The following AFAP1 variants were observed in gnomAD, a reference collection of about 807,000 sequenced individuals.
The protein encoded by AFAP1 is actin filament associated protein 1.
Under a neutral mutation model 93.9 loss-of-function variants are expected in AFAP1, and 75 were observed. The ratio of observed to expected loss-of-function variants is 0.80; its 90% confidence interval spans 0.66 to 0.97. The LOEUF (loss-of-function observed/expected upper bound fraction) is 0.97, where lower values mean the gene tolerates loss of function less well. Among genes scored for constraint, AFAP1 ranks in the 50% least tolerant of loss-of-function variants. The pLI is 0.00. For synonymous variants in AFAP1, 517 were observed against 430.7 expected (o/e 1.20, Z -2.48); for missense variants, 1,201 against 1,050.8 (o/e 1.14, Z -1.98).
intron 15 of AFAP1, chr4:7,774,377 A>G: frequency 4.6e-6 from 1 of 218,354 alleles, no homozygotes. Flanking sequence ...AATCCAGCTG[A>G]TCCCTCCTAC....
intron 1 of AFAP1, among the ~76,000 whole-genome samples, chr4:7,896,676 T>A (rs1718794214): frequency 1.6e-5 from 1 of 61,838 alleles, no homozygotes; most frequent in Non-Finnish European, 3.2e-5. Flanking sequence ...GGCTCAGTCC[T>A]CACTCCCCAC....
chr4:7,856,487 G>T (rs140504856), intron 3 of AFAP1, among the ~76,000 whole-genome samples: 2 of 152,078 alleles, frequency 1.3e-5, no homozygotes, highest in Non-Finnish European at 2.9e-5. Context: ...TGATCAGCCC[G>T]CCTTGGCCTC....
intron 3 of AFAP1, among the ~76,000 whole-genome samples, chr4:7,863,396 G>A (rs1715972308): frequency 6.6e-6 from 1 of 152,162 alleles, no homozygotes; most frequent in South Asian, 2.1e-4. Flanking sequence ...TCCAGCCTGG[G>A]CGACAAAGCG....
chr4:7,891,984 G>A (rs1718498693), intron 1 of AFAP1, among the ~76,000 whole-genome samples: 1 of 152,114 alleles, frequency 6.6e-6, no homozygotes, highest in South Asian at 2.1e-4. Context: ...AACCCGGGAA[G>A]CGGAGGTTGC....
rs146962970 is a variant in AFAP1 at position 7,833,406 on chromosome 4, A to G, written c.726+5118T>C. Among the ~76,000 whole-genome samples the G allele has an allele frequency of 1.8e-3, 269 of 152,300 alleles. 1 individual carries two copies. The highest frequency in any genetic ancestry group is 6.0e-3 in the African/African-American group (251 of 41,574). On this transcript the variant is annotated intron_variant, in intron 6 of 17. Coordinates refer to ENST00000420658, the MANE Select transcript of AFAP1 (RefSeq NM_001134647.2). ...CAACAAACATACAAAAAAATGCTCA[A>G]TATCACCAATGATCAGGGAAAGCAA...
chr4:7,831,930 C>G (rs150051640), intron 6 of AFAP1, among the ~76,000 whole-genome samples: 2 of 152,092 alleles, frequency 1.3e-5, no homozygotes, highest in Non-Finnish European at 2.9e-5. Flanking sequence ...AAAGAGGGAA[C>G]GGCAAACTGT....
At chr4:7,856,461 C>T (rs1715084779) in intron 3 of AFAP1, among the ~76,000 whole-genome samples, 1 of 152,188 alleles carries the variant, frequency 6.6e-6, no homozygotes, top group South Asian at 2.1e-4. Flanking sequence ...AGGATGGTCT[C>T]GAACTCCTGA....
chr4:7,891,620 C>G (rs190634375), intron 1 of AFAP1, among the ~76,000 whole-genome samples: 4 of 151,722 alleles, frequency 2.6e-5, no homozygotes, highest in Admixed American at 2.6e-4. Flanking sequence ...GAATTGTATT[C>G]TCTTCATTAT....
chr4:7,928,480 C>T (rs1248225977), intron 1 of AFAP1, among the ~76,000 whole-genome samples: 3 of 152,104 alleles, frequency 2.0e-5, no homozygotes, highest in African/African-American at 4.8e-5. Flanking sequence ...CTCCGCCTCC[C>T]GGGTTCAAGC....
At chr4:7,891,980 G>C (rs966622950) in intron 1 of AFAP1, among the ~76,000 whole-genome samples, 1 of 152,120 alleles carries the variant, frequency 6.6e-6, no homozygotes, top group Non-Finnish European at 1.5e-5. Context: ...CTTGAACCCG[G>C]GAAGCGGAGG....
At chr4:7,768,027 G>A (rs541302929) in intron 17 of AFAP1, among the ~76,000 whole-genome samples, 3 of 152,238 alleles carry the variant, frequency 2.0e-5, no homozygotes, top group Non-Finnish European at 4.4e-5. Context: ...GGTGAGCTGT[G>A]ATGGCACCAC....
At chr4:7,797,283 T>C (rs549375952) in intron 10 of AFAP1, among the ~76,000 whole-genome samples, 2 of 152,110 alleles carry the variant, frequency 1.3e-5, no homozygotes, top group Admixed American at 6.5e-5. Context: ...GTGGGTGAAA[T>C]TGTGAGTAAT....
At chr4:7,826,087 C>A (rs1199191873) in intron 6 of AFAP1, among the ~76,000 whole-genome samples, 1 of 152,160 alleles carries the variant, frequency 6.6e-6, no homozygotes, top group Non-Finnish European at 1.5e-5. Context: ...CCCCTTCTAA[C>A]TGGTAGAATG....
intron 3 of AFAP1, among the ~76,000 whole-genome samples, chr4:7,863,245 T>C (rs1391130480): frequency 6.6e-6 from 1 of 152,154 alleles, no homozygotes; most frequent in African/African-American, 2.4e-5. Flanking sequence ...GTGAAAACCC[T>C]GTCTCTATTA....
intron 1 of AFAP1, among the ~76,000 whole-genome samples, chr4:7,895,243 T>A (rs963264539): frequency 6.6e-6 from 1 of 152,206 alleles, no homozygotes; most frequent in Non-Finnish European, 1.5e-5. Flanking sequence ...CTGTGCTACC[T>A]CACCTCTAAA....
At chr4:7,798,174 G>GGCTCACGGCACTGCAACTCTATTGGCTA in intron 10 of AFAP1, among the ~76,000 whole-genome samples, 1 of 107,344 alleles carries the variant, frequency 9.3e-6, no homozygotes, top group Non-Finnish European at 2.0e-5. Context: ...TCTACTGGCT[G>GGCTCACGGCACTGCAACTCTATTGGCTA]GCTCACGGCA....
chr4:7,818,192 G>A (rs551813351), intron 7 of AFAP1, among the ~76,000 whole-genome samples: 141 of 152,284 alleles, frequency 9.3e-4, no homozygotes, highest in Non-Finnish European at 1.2e-3. Context: ...CTGAGCCAGT[G>A]AAATCTCCCT....
intron 2 of AFAP1, among the ~76,000 whole-genome samples, chr4:7,871,097 T>G: frequency 6.6e-6 from 1 of 152,166 alleles, no homozygotes; most frequent in East Asian, 1.9e-4. Context: ...GCTTCTCAGG[T>G]GCTCTCATAA....
chr4:7,853,959 C>A (rs1714748748), intron 4 of AFAP1, among the ~76,000 whole-genome samples: 1 of 152,204 alleles, frequency 6.6e-6, no homozygotes, highest in South Asian at 2.1e-4. Context: ...ACTGAAGGGG[C>A]CGTGACCTGC....
Sources: allele counts gnomAD v4.1 joint callset (sites outside exome capture counted in the v4.1 genomes callset), GRCh38; gene constraint gnomAD v4.1.1; transcripts MANE v1.5; gene names NCBI Gene and HGNC (gene_info 2026-07-23, HGNC 2026-07-21).